The following TRIO variants were observed in gnomAD, a reference collection of about 807,000 sequenced individuals.
TRIO encodes the protein triple functional domain protein.
TRIO carries 58 observed loss-of-function variants against 351.9 expected under a neutral mutation model. The observed-to-expected ratio is 0.16, with a 90% CI of 0.13 to 0.21. The LOEUF (loss-of-function observed/expected upper bound fraction) is 0.21. TRIO is among the 10% of genes least tolerant of loss of function. TRIO has a pLI of 1.00. For synonymous variants in TRIO, 1,758 were observed against 1,595.7 expected (o/e 1.10, Z -2.42); for missense variants, 3,201 against 4,027.8 (o/e 0.79, Z 5.56).
intron 18 of TRIO, among the ~76,000 whole-genome samples, chr5:14,370,220 G>T (rs1253187160): frequency 6.6e-6 from 1 of 151,616 alleles, no homozygotes; most frequent in African/African-American, 2.4e-5. Context: ...GAACTTCCTG[G>T]GCTTAAGCGG....
intron 1 of TRIO, among the ~76,000 whole-genome samples, chr5:14,158,218 A>G (rs978546519): frequency 9.2e-5 from 14 of 152,162 alleles, no homozygotes; most frequent in African/African-American, 3.4e-4. Context: ...CGAGGTCAAG[A>G]GATCGAGACC....
chr5:14,328,835 G>T (rs944223182), intron 9 of TRIO, among the ~76,000 whole-genome samples: 1 of 152,144 alleles, frequency 6.6e-6, no homozygotes, highest in Non-Finnish European at 1.5e-5. Flanking sequence ...GAAATGGAGG[G>T]GTGGAAATGA....
chr5:14,209,811 T>C (rs923290499), intron 1 of TRIO, among the ~76,000 whole-genome samples: 2 of 152,272 alleles, frequency 1.3e-5, no homozygotes, highest in African/African-American at 4.8e-5. Flanking sequence ...GCAGTATTTT[T>C]AAATTGTCAG....
At position 14,316,728 on chromosome 5, in the gene TRIO, G is replaced by T; in HGVS notation, c.1716G>T (p.Gln572His). ...LHQRLQLCVF[Q>H]QDVQQVLDWI... ...AGAGGCTGCAGCTGTGTGTTTTCCA[G>T]CAGGACGTTCAGCAGGTCAGTTTCG... Residue 572 changes from glutamine to histidine, a missense_variant, in exon 9 of 57, where the codon CAG becomes CAT. Around this residue, in one of 19 missense-constraint regions of TRIO, gnomAD observed 38 missense variants for 93.4 expected, o/e 0.41. Transcript: ENST00000344204. The T allele has an allele frequency of 6.2e-7, 1 of 1,613,798 alleles. No individual in the cohort carries two copies.
intron 1 of TRIO, among the ~76,000 whole-genome samples, chr5:14,235,406 G>T (rs1222693073): frequency 6.6e-6 from 1 of 152,254 alleles, no homozygotes; most frequent in Middle Eastern, 3.4e-3. Flanking sequence ...TTGCTTCCTG[G>T]CTGTATTTTC....
intron 34 of TRIO, among the ~76,000 whole-genome samples, chr5:14,432,138 C>G (rs2152398146): frequency 6.6e-6 from 1 of 152,300 alleles, no homozygotes; most frequent in African/African-American, 2.4e-5. Context: ...CATTGCCAGC[C>G]ACAGTGCTGT....
At chr5:14,352,549 T>C (rs1743236297) in intron 11 of TRIO, among the ~76,000 whole-genome samples, 1 of 152,224 alleles carries the variant, frequency 6.6e-6, no homozygotes, top group African/African-American at 2.4e-5. Flanking sequence ...AAAACAGACT[T>C]TCCTTGAGTG....
intron 2 of TRIO, 137 bp from the exon 3 acceptor site, chr5:14,280,185 C>T: frequency 4.1e-6 from 3 of 730,164 alleles, no homozygotes; most frequent in Non-Finnish European, 7.0e-6. Context: ...CACTGTGCCT[C>T]AGCTGAAACA....
intron 48 of TRIO, 42 bp from the exon 49 acceptor site, chr5:14,492,525 G>T: frequency 6.2e-7 from 1 of 1,602,900 alleles, no homozygotes; most frequent in Non-Finnish European, 8.5e-7. Context: ...TCTCGTTTCA[G>T]TTCCTCCCTG....
At chr5:14,339,270 C>T (rs893128542) in intron 11 of TRIO, among the ~76,000 whole-genome samples, 11 of 152,234 alleles carry the variant, frequency 7.2e-5, no homozygotes, top group East Asian at 5.8e-4. Context: ...CCAGAGGCTT[C>T]GTTTGGGCTC....
At chr5:14,471,249 C>G in intron 37 of TRIO, 69 bp from the exon 38 acceptor site, 1 of 1,462,568 alleles carries the variant, frequency 6.8e-7, no homozygotes. Context: ...TGGGTATTTT[C>G]TTGTCTTAGT....
At chr5:14,213,315 A>C (rs1459759300) in intron 1 of TRIO, among the ~76,000 whole-genome samples, 2 of 150,308 alleles carry the variant, frequency 1.3e-5, no homozygotes, top group Admixed American at 6.6e-5. Flanking sequence ...ATATTGGTAT[A>C]TATAAATGAC....
At position 14,508,044 on chromosome 5, in the gene TRIO, C is replaced by T; in HGVS notation, c.8916C>T (p.Thr2972=). The change falls in exon 57 of 57, where the codon ACC becomes ACT. Residue 2972 remains threonine, a synonymous_variant. Transcript: ENST00000344204. ...EIILGNPVSL[T]SDTWSVGVLT... Reference sequence around the variant, plus strand: ...TCCTCGGGAACCCTGTCTCCCTGACCTCGGATACGTGGAGTGTTGGAGTGC... The same window carrying T: ...TCCTCGGGAACCCTGTCTCCCTGACTTCGGATACGTGGAGTGTTGGAGTGC... The T allele has an allele frequency of 1.9e-6, 3 of 1,614,240 alleles. No homozygotes were observed. Among genetic ancestry groups the T allele is most frequent in the Non-Finnish European group, 1.7e-6 (2 of 1,180,046 alleles).
At position 14,420,081 on chromosome 5, in the gene TRIO, G is replaced by T. The variant is rs562142815; in HGVS notation, c.5203+60G>T. 1.1e-5 allele frequency: 17 copies of T among 1,575,436 alleles called. No individual in the cohort carries two copies. The South Asian group carries it at 2.0e-4, about 18-fold the overall frequency. On this transcript the variant is annotated intron_variant, in intron 34 of 56. Coordinates refer to ENST00000344204, the MANE Select transcript of TRIO (RefSeq NM_007118.4). The stretch of plus-strand genomic sequence containing the variant: ...ACTGGAAGTGGCCCTGGAGCGCTCT[G>T]TCTCCGCGCCTCTCCTGCCTGTTAA...
At chr5:14,442,385 G>A (rs1194485143) in intron 34 of TRIO, among the ~76,000 whole-genome samples, 2 of 152,280 alleles carry the variant, frequency 1.3e-5, no homozygotes, top group Middle Eastern at 3.4e-3. Flanking sequence ...AAGAAAGGGG[G>A]TAGGGTGTCG....
chr5:14,487,755 T>TGCCTCCCC lies in TRIO; in HGVS notation c.7128_7135dup (p.Pro2379ArgfsTer37). The TGCCTCCCC allele has an allele frequency of 7.2e-7, 1 of 1,385,486 alleles. No individual in the cohort carries two copies. Among genetic ancestry groups the TGCCTCCCC allele is most frequent in the Non-Finnish European group, 9.4e-7 (1 of 1,065,138 alleles). The allele number at this position is 1,385,486 out of a possible 1,614,324, so 85.8% of individuals were successfully genotyped here. A position where few individuals can be genotyped will look rare whatever the true frequency, so the allele number is the denominator to read the frequency against. On this transcript the variant is annotated frameshift_variant, in exon 48 of 57. Coordinates refer to ENST00000344204, the MANE Select transcript of TRIO (RefSeq NM_007118.4). LOFTEE classifies it high-confidence loss of function. ...GGTACGTCCACCCCCGGGCCCTCCC[T>TGCCTCCCC]GCCTCCCCCTGGCGCGGCCCCCGAG...
chr5:14,460,004 C>G (rs370664095), intron 34 of TRIO, among the ~76,000 whole-genome samples: 3 of 152,146 alleles, frequency 2.0e-5, no homozygotes, highest in Non-Finnish European at 4.4e-5. Flanking sequence ...CAAGCTCCGC[C>G]TCCTGGGTTC....
rs200493238 is a variant in TRIO, at chr5:14,363,780, A to G, written c.2440A>G (p.Asn814Asp). 6.2e-7 allele frequency: 1 copy of G among 1,614,186 alleles called. No individual in the cohort carries two copies. Among genetic ancestry groups the G allele is most frequent in the African/African-American group, 1.3e-5 (1 of 75,048 alleles). The change falls in exon 14 of 57, where the codon AAT (asparagine) becomes GAT (aspartate). Residue 814 changes from asparagine (N) to aspartate (D), a missense_variant. Coordinates refer to ENST00000344204, the MANE Select transcript of TRIO (RefSeq NM_007118.4). ...SWNDELSQQM[N>D]DFDTEDLTIA... Reference sequence around the variant, plus strand: ...GAATGATGAGCTTTCTCAGCAAATGAATGACTTCGACACAGAAGATCTCAC... The same window carrying G: ...GAATGATGAGCTTTCTCAGCAAATGGATGACTTCGACACAGAAGATCTCAC...
chr5:14,475,411 G>T (rs1561533654), intron 40 of TRIO, among the ~76,000 whole-genome samples: 1 of 152,296 alleles, frequency 6.6e-6, no homozygotes, highest in East Asian at 1.9e-4. Context: ...CTTCTCTTCT[G>T]CAGAAGCAGA....
Sources: gnomAD v4.1 joint callset for allele counts (sites outside exome capture counted in the v4.1 genomes callset) on GRCh38, gnomAD v4.1.1 for gene constraint, gnomAD v4.1.1 regional missense constraint, MANE v1.5 for transcripts, NCBI Gene and HGNC (gene_info 2026-07-23, HGNC 2026-07-21) for gene names.